Variants in NR6A1 observed in about 807,000 individuals in gnomAD.
NR6A1 encodes nuclear receptor subfamily 6 group A member 1.
Under a neutral mutation model 59.1 loss-of-function variants are expected in NR6A1, and 7 were observed. The ratio of observed to expected loss-of-function variants is 0.12; its 90% CI spans 0.07 to 0.22. NR6A1 has a LOEUF of 0.22. NR6A1 is among the 10% of genes least tolerant of loss of function. The probability of loss-of-function intolerance (pLI) is 1.00; values close to 1 mark genes in which losing one functional copy is unlikely to be tolerated. For missense variants in NR6A1, 468 were observed against 611.6 expected (o/e 0.77, Z 2.48); for synonymous variants, 243 against 236.1 (o/e 1.03, Z -0.27).
At chr9:124,717,460 G>A (rs532546039) in intron 2 of NR6A1, among the ~76,000 whole-genome samples, 3 of 152,274 alleles carry the variant, frequency 2.0e-5, no homozygotes, top group East Asian at 1.9e-4. Flanking sequence ...AAACAAGCAC[G>A]AAAGAGCACA....
At chr9:124,611,522 G>A (rs1835742413) in intron 2 of NR6A1, among the ~76,000 whole-genome samples, 1 of 151,986 alleles carries the variant, frequency 6.6e-6, no homozygotes, top group South Asian at 2.1e-4. Flanking sequence ...GATTGCTTGA[G>A]GCCAGAAGTT....
rs902302702 is a variant in NR6A1 at position 124,521,584 on chromosome 9, C to G, written c.*1121G>C. The G allele has an allele frequency of 6.6e-6, 1 of 152,176 alleles. No homozygotes were observed. Among genetic ancestry groups the G allele is most frequent in the African/African-American group, 2.4e-5 (1 of 41,422 alleles). The allele number at this position is 152,176 out of a possible 1,614,324, so 9.4% of individuals were successfully genotyped here. A position where few individuals can be genotyped will look rare whatever the true frequency, so the allele number is the denominator to read the frequency against. On this transcript the variant is annotated 3_prime_UTR_variant, in exon 10 of 10. Transcript: ENST00000487099. ...TGGTCCTTCTCATTGTTTAAAAAAGCCTGAAGTTTTCGGATTTAGACCTGA... is the reference window on the plus strand; with the variant it reads ...TGGTCCTTCTCATTGTTTAAAAAAGGCTGAAGTTTTCGGATTTAGACCTGA...
At chr9:124,703,459 C>T (rs1421160734) in intron 2 of NR6A1, among the ~76,000 whole-genome samples, 1 of 151,884 alleles carries the variant, frequency 6.6e-6, no homozygotes, top group Non-Finnish European at 1.5e-5. Context: ...CCTCCCACCT[C>T]AGCCTCCCAA....
At chr9:124,717,097 A>T (rs1350520437) in intron 2 of NR6A1, among the ~76,000 whole-genome samples, 1 of 152,224 alleles carries the variant, frequency 6.6e-6, no homozygotes, top group East Asian at 1.9e-4. Context: ...AATTTTAAAA[A>T]CTAGCAATAA....
chr9:124,542,230 A>G (rs868443039), intron 4 of NR6A1, among the ~76,000 whole-genome samples: 2 of 152,254 alleles, frequency 1.3e-5, no homozygotes, highest in Non-Finnish European at 2.9e-5. Context: ...CAAGAAACAA[A>G]AAGAATTTGT....
intron 2 of NR6A1, among the ~76,000 whole-genome samples, chr9:124,725,386 G>A (rs369532288): frequency 4.4e-4 from 66 of 150,394 alleles, no homozygotes; most frequent in African/African-American, 1.6e-3. Flanking sequence ...TCACACTAAA[G>A]GTATTTAAAA....
At chr9:124,756,820 C>T (rs1162318175) in intron 1 of NR6A1, among the ~76,000 whole-genome samples, 1 of 152,056 alleles carries the variant, frequency 6.6e-6, no homozygotes, top group African/African-American at 2.4e-5. Flanking sequence ...CTTATCATCC[C>T]GAGATTTTTA....
At chr9:124,733,091 T>G (rs529238035) in intron 2 of NR6A1, among the ~76,000 whole-genome samples, 1 of 152,324 alleles carries the variant, frequency 6.6e-6, no homozygotes, top group Admixed American at 6.5e-5. Flanking sequence ...CAAACCAACT[T>G]TCTATTAAAC....
chr9:124,769,391 T>A (rs1437185664), intron 1 of NR6A1, among the ~76,000 whole-genome samples: 1 of 152,194 alleles, frequency 6.6e-6, no homozygotes, highest in African/African-American at 2.4e-5. Flanking sequence ...TAACAAAATG[T>A]TTGACTAGTT....
At chr9:124,527,918 A>G (rs1421579322) in intron 7 of NR6A1, among the ~76,000 whole-genome samples, 11 of 152,344 alleles carry the variant, frequency 7.2e-5, no homozygotes, top group Non-Finnish European at 2.9e-5. Context: ...TTTATAAAAG[A>G]CGAGGTCAAG....
chr9:124,708,143 A>G (rs888176985), intron 2 of NR6A1, among the ~76,000 whole-genome samples: 1 of 152,172 alleles, frequency 6.6e-6, no homozygotes, highest in African/African-American at 2.4e-5. Context: ...TGTTTATCCT[A>G]AACAGAACTG....
intron 2 of NR6A1, among the ~76,000 whole-genome samples, chr9:124,703,259 C>T (rs1839020376): frequency 6.8e-6 from 1 of 147,144 alleles, no homozygotes; most frequent in Non-Finnish European, 1.5e-5. Flanking sequence ...GTCACCCAGC[C>T]TGGAGTATAG....
intron 7 of NR6A1, among the ~76,000 whole-genome samples, chr9:124,529,871 A>C (rs1833049020): frequency 6.6e-6 from 1 of 151,948 alleles, no homozygotes. Flanking sequence ...TGGGAAAAAA[A>C]GTTCTTTACT....
intron 2 of NR6A1, among the ~76,000 whole-genome samples, chr9:124,568,161 C>T (rs1834325280): frequency 1.4e-5 from 1 of 69,332 alleles, no homozygotes; most frequent in African/African-American, 6.3e-5. Context: ...CAGAGCAATA[C>T]TTCATCTCAA....
At chr9:124,532,206 T>A (rs1354710886) in intron 7 of NR6A1, among the ~76,000 whole-genome samples, 2 of 152,196 alleles carry the variant, frequency 1.3e-5, no homozygotes, top group African/African-American at 2.4e-5. Context: ...CAAAATTGCT[T>A]TTGATTCCCT....
intron 5 of NR6A1, among the ~76,000 whole-genome samples, chr9:124,539,459 G>A (rs1833378670): frequency 6.6e-6 from 1 of 152,198 alleles, no homozygotes; most frequent in Admixed American, 6.5e-5. Flanking sequence ...GAAAAAGTTT[G>A]TCAATCCATA....
At chr9:124,756,683 G>A (rs894598469) in intron 1 of NR6A1, among the ~76,000 whole-genome samples, 10 of 152,138 alleles carry the variant, frequency 6.6e-5, no homozygotes, top group Non-Finnish European at 1.2e-4. Flanking sequence ...ATTTCTAAAG[G>A]AATGCAAGTT....
chr9:124,627,973 A>G (rs1488210909), intron 2 of NR6A1, among the ~76,000 whole-genome samples: 1 of 145,372 alleles, frequency 6.9e-6, no homozygotes, highest in Non-Finnish European at 1.5e-5. Context: ...GGAAGAAAAT[A>G]CGGTGTGTGT....
chr9:124,627,900 T>C (rs1162143968), intron 2 of NR6A1, among the ~76,000 whole-genome samples: 1 of 149,682 alleles, frequency 6.7e-6, no homozygotes, highest in Non-Finnish European at 1.5e-5. Flanking sequence ...TTTTTTTTTT[T>C]TTTTTTTTTT....
Sources: allele counts gnomAD v4.1 joint callset (sites outside exome capture counted in the v4.1 genomes callset), GRCh38; gene constraint gnomAD v4.1.1; transcripts MANE v1.5; gene names NCBI Gene and HGNC (gene_info 2026-07-23, HGNC 2026-07-21).